LRP1B: variants seen among roughly 807,000 people sequenced by gnomAD.
LRP1B encodes the protein LDL receptor related protein 1B.
Under a neutral mutation model 556.6 loss-of-function variants are expected in LRP1B, and 217 were observed. The ratio of observed to expected loss-of-function variants is 0.39; its 90% CI spans 0.35 to 0.44. The LOEUF (loss-of-function observed/expected upper bound fraction) is 0.44. Among genes scored for constraint, LRP1B ranks in the 20% least tolerant of loss-of-function variants. The probability of loss-of-function intolerance (pLI) is 1.00; values close to 1 mark genes in which losing one functional copy is unlikely to be tolerated. For missense variants in LRP1B, 5,053 were observed against 5,620.8 expected, an observed-to-expected ratio of 0.90 and a Z score of 3.23; for synonymous variants, 2,047 against 1,865.8, an observed-to-expected ratio of 1.10 and a Z score of -2.50.
chr2:141,917,429 G>A (rs546092687), intron 1 of LRP1B, among the ~76,000 whole-genome samples: 1 of 152,280 alleles, frequency 6.6e-6, no homozygotes, highest in South Asian at 2.1e-4. Context: ...CTACTGTAAT[G>A]AGCATTTTAT....
chr2:141,188,620 T>C (rs2105194270), intron 6 of LRP1B, 37 bp from the exon 7 acceptor site: 3 of 1,581,826 alleles, frequency 1.9e-6, no homozygotes, highest in Non-Finnish European at 2.6e-6. Context: ...GAATCACAGG[T>C]GCAATCTAGC....
chr2:141,676,942 A>G (rs1690906499), intron 2 of LRP1B, among the ~76,000 whole-genome samples: 1 of 152,266 alleles, frequency 6.6e-6, no homozygotes, highest in African/African-American at 2.4e-5. Context: ...TAGAGATATG[A>G]GTTCTGTTTT....
chr2:141,699,752 C>T (rs528652192), intron 2 of LRP1B, among the ~76,000 whole-genome samples: 102 of 150,500 alleles, frequency 6.8e-4, no homozygotes, highest in Non-Finnish European at 1.2e-3. Flanking sequence ...ATGGCCTTTC[C>T]AGTAGTATTG....
intron 66 of LRP1B, among the ~76,000 whole-genome samples, chr2:140,399,024 T>A (rs1359874877): frequency 6.6e-6 from 1 of 152,130 alleles, no homozygotes; most frequent in Non-Finnish European, 1.5e-5. Context: ...TTGAGAATAA[T>A]AAAATAAAAA....
intron 5 of LRP1B, among the ~76,000 whole-genome samples, chr2:141,234,068 T>A (rs1217892907): frequency 2.0e-5 from 3 of 152,056 alleles, no homozygotes; most frequent in Non-Finnish European, 4.4e-5. Flanking sequence ...ATAAAGTACA[T>A]AAAATGGAGA....
intron 3 of LRP1B, among the ~76,000 whole-genome samples, chr2:141,363,100 C>A (rs1688893433): frequency 6.6e-6 from 1 of 152,144 alleles, no homozygotes; most frequent in Non-Finnish European, 1.5e-5. Context: ...ATCTCAGAGT[C>A]ATAACCCAAA....
intron 5 of LRP1B, among the ~76,000 whole-genome samples, chr2:141,234,425 A>G (rs300383): frequency 1 from 151,574 of 152,210 alleles, 75,478 homozygotes; most frequent in Middle Eastern, 1. Flanking sequence ...CATACAGGCT[A>G]GAGTGCAGTG....
At chr2:141,049,542 A>G (rs1213132536) in intron 10 of LRP1B, among the ~76,000 whole-genome samples, 3 of 152,076 alleles carry the variant, frequency 2.0e-5, no homozygotes, top group African/African-American at 7.2e-5. Context: ...CATCGGGCAC[A>G]TTTAATTTTA....
chr2:142,033,178 A>G (rs1222211484), intron 1 of LRP1B, among the ~76,000 whole-genome samples: 1 of 151,818 alleles, frequency 6.6e-6, no homozygotes, highest in Admixed American at 6.6e-5. Context: ...TTTAATTCCT[A>G]TAATTAGGAA....
At chr2:140,621,727 C>G (rs556352585) in intron 41 of LRP1B, among the ~76,000 whole-genome samples, 1 of 152,226 alleles carries the variant, frequency 6.6e-6, no homozygotes, top group Admixed American at 6.5e-5. Context: ...CAGAAAGCAA[C>G]AGCTTATGAT....
chr2:141,714,224 A>G (rs1450317695), intron 2 of LRP1B, among the ~76,000 whole-genome samples: 1 of 152,066 alleles, frequency 6.6e-6, no homozygotes, highest in Non-Finnish European at 1.5e-5. Flanking sequence ...TCTATGTTTA[A>G]CTCATTATAC....
chr2:141,165,697 CA>C (rs1182374628), intron 7 of LRP1B, among the ~76,000 whole-genome samples: 1 of 151,748 alleles, frequency 6.6e-6, no homozygotes, highest in East Asian at 1.9e-4. Context: ...ATAACAATAG[CA>C]AAGAGGAAAA....
chr2:140,298,239 A>G (rs113120626), intron 83 of LRP1B, among the ~76,000 whole-genome samples: 1,603 of 152,274 alleles, frequency 0.011, 35 homozygotes, highest in African/African-American at 0.037. Context: ...GCATGCATAT[A>G]TTGTTTGCTT....
intron 6 of LRP1B, among the ~76,000 whole-genome samples, chr2:141,199,852 G>T (rs1681922559): frequency 6.6e-6 from 1 of 152,078 alleles, no homozygotes; most frequent in African/African-American, 2.4e-5. Context: ...CTGGAGAAAT[G>T]CAAATCAAAA....
chr2:141,151,352 A>G (rs1701919279), intron 7 of LRP1B, among the ~76,000 whole-genome samples: 1 of 152,146 alleles, frequency 6.6e-6, no homozygotes, highest in African/African-American at 2.4e-5. Context: ...TTGGCCAAAA[A>G]AAGCCATGCA....
chr2:140,472,772 A>G (rs368728126), intron 60 of LRP1B, among the ~76,000 whole-genome samples: 3 of 152,176 alleles, frequency 2.0e-5, no homozygotes, highest in Non-Finnish European at 1.5e-5. Context: ...AACTTTTTAA[A>G]CCATAAAGTC....
chr2:141,946,439 G>A (rs926568642), intron 1 of LRP1B, among the ~76,000 whole-genome samples: 4 of 152,124 alleles, frequency 2.6e-5, no homozygotes, highest in Non-Finnish European at 4.4e-5. Flanking sequence ...AACTTTAGAC[G>A]TGAATGAGAT....
At chr2:141,360,485 T>C (rs7571195) in intron 3 of LRP1B, among the ~76,000 whole-genome samples, 4,084 of 152,370 alleles carry the variant, frequency 0.027, 183 homozygotes, top group African/African-American at 0.093. Context: ...AATTGATATC[T>C]AATTTTTCAT....
chr2:141,445,009 C>T (rs1014695397), intron 3 of LRP1B, among the ~76,000 whole-genome samples: 12 of 152,264 alleles, frequency 7.9e-5, no homozygotes, highest in African/African-American at 2.9e-4. Context: ...ATGGTATCAG[C>T]TCCTCTCTGT....
Sources: gnomAD v4.1 joint callset for allele counts (sites outside exome capture counted in the v4.1 genomes callset) on GRCh38, gnomAD v4.1.1 for gene constraint, MANE v1.5 for transcripts, NCBI Gene and HGNC (gene_info 2026-07-23, HGNC 2026-07-21) for gene names.